The following RAD51B variants were observed in gnomAD, a reference collection of about 807,000 sequenced individuals.
RAD51B encodes the protein DNA repair protein RAD51 homolog 2.
In RAD51B, 38 loss-of-function variants were observed where a neutral mutation model predicts 42.2. The ratio of observed to expected loss-of-function variants is 0.90; its 90% CI spans 0.70 to 1.18. The LOEUF (loss-of-function observed/expected upper bound fraction) is 1.18. RAD51B is among the 50% of genes most tolerant of loss of function. The pLI, the probability that RAD51B is intolerant of heterozygous loss-of-function variation, is 0.00. For missense variants in RAD51B, 373 were observed against 400.7 expected, an observed-to-expected ratio of 0.93 and a Z score of 0.59; for synonymous variants, 154 against 145.2, an observed-to-expected ratio of 1.06 and a Z score of -0.43.
At chr14:68,544,197 T>G (rs1031652719) in intron 10 of RAD51B, among the ~76,000 whole-genome samples, 1 of 152,240 alleles carries the variant, frequency 6.6e-6, no homozygotes, top group African/African-American at 2.4e-5. Context: ...ACTACTCTTG[T>G]AAACTGTTTC....
At chr14:68,656,352 A>G (rs1892814877) in intron 11 of RAD51B, among the ~76,000 whole-genome samples, 1 of 152,146 alleles carries the variant, frequency 6.6e-6, no homozygotes, top group African/African-American at 2.4e-5. Context: ...GAGAAACTCA[A>G]GTAAGATTTG....
At chr14:68,261,059 T>G (rs990008347) in intron 7 of RAD51B, among the ~76,000 whole-genome samples, 1 of 152,238 alleles carries the variant, frequency 6.6e-6, no homozygotes, top group Admixed American at 6.5e-5. Flanking sequence ...CAATTTTTTC[T>G]TAAGGTCTCA....
At chr14:68,056,574 C>A (rs1242994413) in intron 7 of RAD51B, among the ~76,000 whole-genome samples, 3 of 151,776 alleles carry the variant, frequency 2.0e-5, no homozygotes. Context: ...CACGGTGAAA[C>A]CCTGTCTCTA....
intron 7 of RAD51B, among the ~76,000 whole-genome samples, chr14:68,104,881 A>G (rs902241474): frequency 6.6e-6 from 1 of 152,142 alleles, no homozygotes; most frequent in Admixed American, 6.6e-5. Context: ...CAACTGAGGA[A>G]ATCAAATGCA....
chr14:68,449,527 A>T (rs1048244315), intron 9 of RAD51B, among the ~76,000 whole-genome samples: 1 of 152,134 alleles, frequency 6.6e-6, no homozygotes, highest in Admixed American at 6.5e-5. Flanking sequence ...ACTGCTCCAG[A>T]TCACCAAATA....
In RAD51B at chr14:67,963,128, A is replaced by AT. The variant is rs200212202; in HGVS notation, c.756+75930dup. Among the ~76,000 whole-genome samples, 1,284 of 152,128 alleles carry AT rather than the reference A, an allele frequency of 8.4e-3. 16 individuals are homozygous for AT. The highest frequency in any genetic ancestry group is 0.029 in the African/African-American group (1,199 of 41,546). Reference sequence around the variant, plus strand: ...AATTGCAGGTAAAATTAGAATTGATATTTTTTATTTTTAACTGTGAATATA... The same window carrying AT: ...AATTGCAGGTAAAATTAGAATTGATATTTTTTTATTTTTAACTGTGAATATA... On this transcript the variant is annotated intron_variant, in intron 7 of 10. Coordinates refer to ENST00000471583, the MANE Select transcript of RAD51B (RefSeq NM_133510.4).
intron 10 of RAD51B, chr14:68,627,353 A>G (rs1892108458): frequency 6.6e-6 from 1 of 152,174 alleles, no homozygotes; most frequent in African/African-American, 2.4e-5. Flanking sequence ...TTATTCAGCT[A>G]TGAAGGAAAA....
chr14:68,469,111 CA>C (rs2086059473), intron 10 of RAD51B: 1 of 506,904 alleles, frequency 2.0e-6, no homozygotes, highest in Admixed American at 2.0e-5. Flanking sequence ...ACCCCAACCA[CA>C]GAGATGCTTA....
chr14:68,644,468 A>G (rs576468772), intron 10 of RAD51B, among the ~76,000 whole-genome samples: 1 of 152,312 alleles, frequency 6.6e-6, no homozygotes, highest in Admixed American at 6.5e-5. Context: ...TGGTAAGACC[A>G]TCTAAGGACC....
intron 9 of RAD51B, among the ~76,000 whole-genome samples, chr14:68,429,622 G>A (rs1197859877): frequency 1.3e-5 from 2 of 152,082 alleles, no homozygotes; most frequent in East Asian, 3.9e-4. Context: ...AAATTTGTTT[G>A]AGTTCTTTGT....
Position 68,663,694 on chromosome 14 carries a change from C to A in RAD51B, c.*11+12838C>A, listed in dbSNP as rs552443213. ...TCATTGCCTAAAGACTTAGGCCTAA[C>A]AGTGCTAGACGTGGGAGGGAGTGTA... On this transcript the variant is annotated intron_variant, in intron 11 of 11. Transcript: ENST00000488612. 2.0e-4 allele frequency among the ~76,000 whole-genome samples: 30 copies of A among 152,320 alleles called. No homozygotes were observed. The South Asian group carries it at 6.2e-3, about 32-fold the overall frequency.
intron 7 of RAD51B, among the ~76,000 whole-genome samples, chr14:67,956,025 TGGATACTCAGTTCA>T (rs1189303332): frequency 6.6e-6 from 1 of 152,230 alleles, no homozygotes; most frequent in Non-Finnish European, 1.5e-5. Context: ...GACACTGTGG[TGGATACTCAGTTCA>T]GGTAACATCT....
intron 7 of RAD51B, among the ~76,000 whole-genome samples, chr14:67,920,300 T>C (rs192897450): frequency 3.6e-4 from 55 of 152,332 alleles, no homozygotes; most frequent in Admixed American, 3.5e-3. Context: ...TTGAATTTTT[T>C]TCAACTCTAA....
chr14:68,048,902 T>G, intron 7 of RAD51B, among the ~76,000 whole-genome samples: 1 of 152,182 alleles, frequency 6.6e-6, no homozygotes, highest in East Asian at 1.9e-4. Flanking sequence ...TAAAGACACA[T>G]GCACAGATAT....
At chr14:67,916,518 C>T (rs2044156482) in intron 7 of RAD51B, among the ~76,000 whole-genome samples, 1 of 152,026 alleles carries the variant, frequency 6.6e-6, no homozygotes, top group South Asian at 2.1e-4. Context: ...GCTGGGATTG[C>T]AGACGTGAGC....
intron 8 of RAD51B, among the ~76,000 whole-genome samples, chr14:68,398,213 A>G (rs2083983789): frequency 6.6e-6 from 1 of 152,224 alleles, no homozygotes; most frequent in African/African-American, 2.4e-5. Context: ...TGGTCAAGTC[A>G]CTTCTCTGCC....
chr14:68,255,035 C>G (rs1276248651), intron 7 of RAD51B, among the ~76,000 whole-genome samples: 3 of 152,148 alleles, frequency 2.0e-5, no homozygotes, highest in Non-Finnish European at 4.4e-5. Context: ...TCATCCTCCC[C>G]TTTTCCTCTT....
intron 7 of RAD51B, among the ~76,000 whole-genome samples, chr14:67,902,602 T>C (rs1282916050): frequency 1.3e-5 from 2 of 152,218 alleles, no homozygotes; most frequent in East Asian, 3.8e-4. Context: ...AATGGTGATG[T>C]AGTAAAAATC....
intron 8 of RAD51B, among the ~76,000 whole-genome samples, chr14:68,355,577 TG>T (rs1470368018): frequency 6.6e-6 from 1 of 152,236 alleles, no homozygotes; most frequent in Non-Finnish European, 1.5e-5. Context: ...TGAGACTTGC[TG>T]GTCACAGCTG....
Sources: gnomAD v4.1 joint callset for allele counts (sites outside exome capture counted in the v4.1 genomes callset) on GRCh38, gnomAD v4.1.1 for gene constraint, MANE v1.5 for transcripts, NCBI Gene and HGNC (gene_info 2026-07-23, HGNC 2026-07-21) for gene names.